CPA6: variants seen among roughly 807,000 people sequenced by gnomAD.
CPA6 encodes the protein carboxypeptidase A6.
In CPA6, 58 loss-of-function variants were observed where a neutral mutation model predicts 63.3. The observed-to-expected ratio is 0.92, with a 90% CI of 0.74 to 1.14. CPA6 has a LOEUF of 1.14. Ranked by LOEUF, CPA6 falls within the 50% of genes most tolerant of loss-of-function variation. The pLI is 0.00. For missense variants in CPA6, 565 were observed against 526.6 expected (o/e 1.07, Z -0.71); for synonymous variants, 185 against 179.0 (o/e 1.03, Z -0.27).
intron 8 of CPA6, among the ~76,000 whole-genome samples, chr8:67,478,431 T>G (rs1442178972): frequency 2.0e-5 from 3 of 152,298 alleles, no homozygotes; most frequent in Non-Finnish European, 4.4e-5. Flanking sequence ...TTATAGCCAG[T>G]CAGTCAGAAG....
intron 3 of CPA6, among the ~76,000 whole-genome samples, chr8:67,517,110 C>A (rs1401505686): frequency 5.3e-5 from 8 of 149,910 alleles, no homozygotes; most frequent in Admixed American, 5.3e-4. Flanking sequence ...CTGCTCTTTT[C>A]TTACTGCTCT....
At chr8:67,460,554 G>A (rs1474174151) in intron 8 of CPA6, among the ~76,000 whole-genome samples, 2 of 152,138 alleles carry the variant, frequency 1.3e-5, no homozygotes, top group Admixed American at 6.5e-5. Flanking sequence ...CAATCTATGA[G>A]TAGTGAATGA....
chr8:67,684,031 AAT>A (rs1816655180), intron 1 of CPA6, among the ~76,000 whole-genome samples: 2 of 125,932 alleles, frequency 1.6e-5, no homozygotes, highest in South Asian at 5.1e-4. Context: ...ATATATATAT[AAT>A]TTTTATTTTA....
chr8:67,732,156 G>A (rs73254264), intron 1 of CPA6, among the ~76,000 whole-genome samples: 3 of 152,244 alleles, frequency 2.0e-5, no homozygotes, highest in South Asian at 2.1e-4. Flanking sequence ...AATAGTGCAA[G>A]TGATACCCAA....
At chr8:67,691,246 G>A (rs770432024) in intron 1 of CPA6, among the ~76,000 whole-genome samples, 10 of 151,756 alleles carry the variant, frequency 6.6e-5, no homozygotes, top group African/African-American at 1.2e-4. Flanking sequence ...TTATGTAAGC[G>A]CACAGCTCTA....
At chr8:67,733,985 C>T (rs1468988956) in intron 1 of CPA6, among the ~76,000 whole-genome samples, 1 of 151,838 alleles carries the variant, frequency 6.6e-6, no homozygotes, top group Non-Finnish European at 1.5e-5. Context: ...AGTGATCCTC[C>T]TGCCTTGGCG....
At chr8:67,562,225 T>C (rs996615825) in intron 2 of CPA6, among the ~76,000 whole-genome samples, 3 of 152,192 alleles carry the variant, frequency 2.0e-5, no homozygotes, top group Non-Finnish European at 4.4e-5. Context: ...CAACCTCAAA[T>C]ACATAAACAT....
At chr8:67,558,986 C>T (rs560066186) in intron 2 of CPA6, among the ~76,000 whole-genome samples, 12 of 152,246 alleles carry the variant, frequency 7.9e-5, no homozygotes, top group African/African-American at 2.4e-4. Flanking sequence ...ATATTGGCTC[C>T]CAAATTTTAC....
At chr8:67,670,942 G>C (rs1329356425) in intron 1 of CPA6, among the ~76,000 whole-genome samples, 1 of 152,202 alleles carries the variant, frequency 6.6e-6, no homozygotes, top group Non-Finnish European at 1.5e-5. Flanking sequence ...GATTCTGAGT[G>C]TTAATAATTC....
intron 6 of CPA6, among the ~76,000 whole-genome samples, chr8:67,496,519 T>TTATA (rs1163959938): frequency 0.033 from 3,125 of 93,776 alleles, 69 homozygotes; most frequent in African/African-American, 0.073. Flanking sequence ...ACTATATAGT[T>TTATA]TATATATATA....
chr8:67,723,614 A>T (rs1012378204), intron 1 of CPA6, among the ~76,000 whole-genome samples: 3 of 152,160 alleles, frequency 2.0e-5, no homozygotes, highest in African/African-American at 7.2e-5. Context: ...AAATTAAAAC[A>T]CTTAATTGTT....
intron 2 of CPA6, among the ~76,000 whole-genome samples, chr8:67,582,327 AG>A (rs1564009587): frequency 6.6e-6 from 1 of 152,212 alleles, no homozygotes; most frequent in Non-Finnish European, 1.5e-5. Context: ...GGGAGCACGT[AG>A]CCTATGAATG....
At chr8:67,484,163 G>A (rs574197058) in intron 7 of CPA6, among the ~76,000 whole-genome samples, 1 of 151,994 alleles carries the variant, frequency 6.6e-6, no homozygotes, top group Non-Finnish European at 1.5e-5. Flanking sequence ...TCCGCCTCCC[G>A]GGTTCACACC....
chr8:67,527,799 G>T (rs924497586), intron 2 of CPA6, among the ~76,000 whole-genome samples: 1 of 152,156 alleles, frequency 6.6e-6, no homozygotes, highest in Non-Finnish European at 1.5e-5. Context: ...TTTCATAACA[G>T]CTAAGAAGAT....
intron 1 of CPA6, among the ~76,000 whole-genome samples, chr8:67,717,222 GTA>G (rs1279099747): frequency 4.6e-5 from 7 of 152,326 alleles, no homozygotes; most frequent in African/African-American, 1.7e-4. Context: ...GAGTTTGGAT[GTA>G]ATTGCCTGAA....
intron 1 of CPA6, among the ~76,000 whole-genome samples, chr8:67,720,182 TG>T (rs1056752021): frequency 1.4e-5 from 2 of 147,446 alleles, no homozygotes; most frequent in African/African-American, 5.2e-5. Context: ...AGGTGCTCAG[TG>T]GGGGTGCTTT....
intron 1 of CPA6, among the ~76,000 whole-genome samples, chr8:67,706,060 C>T (rs570518219): frequency 1.7e-4 from 26 of 151,884 alleles, no homozygotes; most frequent in Admixed American, 9.2e-4. Context: ...ATGCTTAGGA[C>T]CAAAAAAGTC....
intron 1 of CPA6, among the ~76,000 whole-genome samples, chr8:67,633,407 C>T (rs555868161): frequency 2.0e-5 from 3 of 152,190 alleles, no homozygotes; most frequent in African/African-American, 7.2e-5. Context: ...CTGGGCCGGG[C>T]GCGTTGGCTC....
At chr8:67,457,793 C>T (rs759958779) in intron 8 of CPA6, among the ~76,000 whole-genome samples, 1 of 152,142 alleles carries the variant, frequency 6.6e-6, no homozygotes, top group Non-Finnish European at 1.5e-5. Context: ...TTTCTAGGCT[C>T]ATGTTCTCTT....
Sources: allele counts gnomAD v4.1 joint callset (sites outside exome capture counted in the v4.1 genomes callset), GRCh38; gene constraint gnomAD v4.1.1; transcripts MANE v1.5; gene names NCBI Gene and HGNC (gene_info 2026-07-23, HGNC 2026-07-21).